AAMDC: variants seen among roughly 807,000 people sequenced by gnomAD.
AAMDC encodes adipogenesis associated Mth938 domain containing.
A neutral mutation model predicts 15.5 loss-of-function variants in AAMDC; 16 were observed. That is an observed-to-expected ratio of 1.03 (90% CI 0.70 to 1.57). AAMDC has a LOEUF of 1.57. AAMDC is among the 40% of genes most tolerant of loss of function. The pLI, the probability that AAMDC is intolerant of heterozygous loss-of-function variation, is 0.00. For synonymous variants in AAMDC, 51 were observed against 51.6 expected (o/e 0.99, Z 0.05); for missense variants, 141 against 144.9 (o/e 0.97, Z 0.14).
chr11:77,895,190 G>A (rs1307333924), intron 5 of AAMDC, among the ~76,000 whole-genome samples: 4 of 151,910 alleles, frequency 2.6e-5, no homozygotes, highest in Non-Finnish European at 5.9e-5. Flanking sequence ...ACTAAGTTTT[G>A]ACCTTTGCAT....
chr11:77,845,174 T>C (rs1188666147), intron 2 of AAMDC, among the ~76,000 whole-genome samples: 2 of 152,202 alleles, frequency 1.3e-5, no homozygotes, highest in African/African-American at 4.8e-5. Context: ...AGCCATTATT[T>C]CTTCAAGTAT....
intron 1 of AAMDC, among the ~76,000 whole-genome samples, chr11:77,840,028 A>C (rs1387703576): frequency 6.6e-6 from 1 of 152,154 alleles, no homozygotes; most frequent in Non-Finnish European, 1.5e-5. Flanking sequence ...GCAAAAAAGC[A>C]AAATAAAGAC....
At chr11:77,877,219 C>T (rs922229236), downstream of AAMDC, among the ~76,000 whole-genome samples, 2 of 151,636 alleles carry the variant, frequency 1.3e-5, no homozygotes, top group Non-Finnish European at 1.5e-5. Flanking sequence ...ACTTCAGCTG[C>T]CTTGTTTATA....
chr11:77,839,993 A>G (rs1949859822), intron 1 of AAMDC, among the ~76,000 whole-genome samples: 1 of 152,194 alleles, frequency 6.6e-6, no homozygotes, highest in Non-Finnish European at 1.5e-5. Context: ...TTACATGCAT[A>G]TAACAATTTC....
intron 3 of AAMDC, among the ~76,000 whole-genome samples, chr11:77,870,990 C>T (rs1951402807): frequency 6.6e-6 from 1 of 152,044 alleles, no homozygotes; most frequent in Admixed American, 6.6e-5. Context: ...GAAGGTGCCC[C>T]TTACATCTAG....
At chr11:77,850,662 A>G (rs1250762512) in intron 2 of AAMDC, 1 of 152,212 alleles carries the variant, frequency 6.6e-6, no homozygotes, top group East Asian at 1.9e-4. Flanking sequence ...TTAAACCTAC[A>G]GAATAGTTAT....
At position 77,842,588 on chromosome 11, in the gene AAMDC, G is replaced by A. The variant is rs147321032; in HGVS notation, c.92G>A (p.Gly31Glu). ...TATAAGGACTGCAAAGTATGGCCAG[G>A]GGGTAGTCGGACTTGGGATTGGAGA... ...TTYKDCKVWP[G>E]GSRTWDWRET... The change falls in exon 2 of 4, where the codon GGG becomes GAG. Residue 31 changes from glycine to glutamate, a missense_variant. Coordinates refer to ENST00000393427, the MANE Select transcript of AAMDC (RefSeq NM_024684.4). 2 of 1,613,988 alleles carry A rather than the reference G, an allele frequency of 1.2e-6. No individual in the cohort carries two copies. Among genetic ancestry groups the A allele is most frequent in the South Asian group, 2.2e-5 (2 of 91,044 alleles).
chr11:77,892,758 A>AT (rs1465916600), intron 5 of AAMDC, among the ~76,000 whole-genome samples: 1 of 151,854 alleles, frequency 6.6e-6, no homozygotes, highest in East Asian at 1.9e-4. Flanking sequence ...AATTTTTTGT[A>AT]TTTTTTAGTA....
downstream of AAMDC, among the ~76,000 whole-genome samples, chr11:77,903,943 T>C (rs1952860326): frequency 6.6e-6 from 1 of 152,218 alleles, no homozygotes; most frequent in African/African-American, 2.4e-5. Context: ...CTCTAGGCAC[T>C]CCTTGTTCCC....
At chr11:77,863,806 T>C (rs1019730115) in intron 2 of AAMDC, among the ~76,000 whole-genome samples, 7 of 152,200 alleles carry the variant, frequency 4.6e-5, no homozygotes, top group African/African-American at 1.4e-4. Flanking sequence ...TGAGCCTCTC[T>C]GCCTACCCCT....
Position 77,842,605 on chromosome 11 carries a change from G to A in AAMDC, c.109G>A (p.Asp37Asn), listed in dbSNP as rs147510576. The A allele has an allele frequency of 6.2e-6, 10 of 1,613,880 alleles. No homozygotes were observed. The highest frequency in any genetic ancestry group is 1.7e-5 in the Admixed American group (1 of 59,964). ...KVWPGGSRTW[D>N]WRETGTEHSP... ...ATGGCCAGGGGGTAGTCGGACTTGGGATTGGAGAGAAACAGGAACTGAGGT... is the reference window on the plus strand; with the variant it reads ...ATGGCCAGGGGGTAGTCGGACTTGGAATTGGAGAGAAACAGGAACTGAGGT... Residue 37 changes from aspartate (D) to asparagine (N), a missense_variant, in exon 2 of 4, where the codon GAT (aspartate) becomes AAT (asparagine). Transcript: ENST00000393427.
chr11:77,898,181 T>C (rs1952613654), intron 5 of AAMDC, among the ~76,000 whole-genome samples: 1 of 152,166 alleles, frequency 6.6e-6, no homozygotes, highest in Admixed American at 6.5e-5. Context: ...TATTATTATT[T>C]GAGACAGAGT....
At chr11:77,844,254 C>T (rs1950049204) in intron 2 of AAMDC, among the ~76,000 whole-genome samples, 2 of 152,194 alleles carry the variant, frequency 1.3e-5, no homozygotes, top group Admixed American at 1.3e-4. Context: ...CTCCTACAGG[C>T]CCCACCTCTA....
chr11:77,868,264 C>T (rs1238485560), intron 2 of AAMDC, among the ~76,000 whole-genome samples: 2 of 151,608 alleles, frequency 1.3e-5, no homozygotes, highest in Non-Finnish European at 2.9e-5. Flanking sequence ...ACCGTGTTAG[C>T]CAGGATGTTC....
In AAMDC at chr11:77,878,898, T is replaced by G. The variant is rs745649793; in HGVS notation, c.328+1849T>G. 9.1e-6 allele frequency: 13 copies of G among 1,432,508 alleles called. No homozygotes were observed. The South Asian group carries it at 1.5e-4, about 16-fold the overall frequency. 88.7% of individuals were successfully genotyped at this position (1,432,508 alleles called of 1,614,324 possible). A position where few individuals can be genotyped will look rare whatever the true frequency, so the allele number is the denominator to read the frequency against. ...GAAGTGCTTCAGGCTTGGCTCATTCTGACACCTAAGAAGGGCCCTCTAGGC... is the reference window on the plus strand; with the variant it reads ...GAAGTGCTTCAGGCTTGGCTCATTCGGACACCTAAGAAGGGCCCTCTAGGC... On this transcript the variant is annotated intron_variant, in intron 5 of 5. Transcript: ENST00000304716.
rs145409452 is a variant in AAMDC, at chr11:77,883,902, G to A, written c.328+6853G>A. Reference sequence around the variant, plus strand: ...GCCGCCCTGGGCCAGGATTCCGGAAGTCTGCAGGCTTGGGGTGAATCATCT... The same window carrying A: ...GCCGCCCTGGGCCAGGATTCCGGAAATCTGCAGGCTTGGGGTGAATCATCT... On this transcript the variant is annotated intron_variant, in intron 5 of 5. Coordinates refer to the AAMDC transcript ENST00000304716. 1.4e-5 allele frequency: 22 copies of A among 1,613,164 alleles called. No homozygotes were observed. In the African/African-American group the frequency reaches 2.3e-4, roughly 17 times the overall value.
chr11:77,836,416 C>G (rs1404352696), intron 1 of AAMDC, among the ~76,000 whole-genome samples: 1 of 151,984 alleles, frequency 6.6e-6, no homozygotes, highest in African/African-American at 2.4e-5. Context: ...CAGAAAAAGC[C>G]ATGTGAGAAA....
chr11:77,877,046 A>G (rs567368441), downstream of AAMDC: 5 of 702,990 alleles, frequency 7.1e-6, no homozygotes, highest in African/African-American at 3.5e-5. Context: ...GAGATGCAAA[A>G]CAGGTAAGCA....
intron 1 of AAMDC, among the ~76,000 whole-genome samples, chr11:77,838,289 G>A (rs1271962129): frequency 3.3e-5 from 5 of 152,138 alleles, no homozygotes; most frequent in Non-Finnish European, 7.3e-5. Context: ...ACTAATCTAA[G>A]TGTTGCTGTG....
Sources: gnomAD v4.1 joint callset for allele counts (sites outside exome capture counted in the v4.1 genomes callset) on GRCh38, gnomAD v4.1.1 for gene constraint, MANE v1.5 for transcripts, NCBI Gene and HGNC (gene_info 2026-07-23, HGNC 2026-07-21) for gene names.